The following PTPRD variants were observed in gnomAD, a reference collection of about 807,000 sequenced individuals.
PTPRD encodes the protein protein tyrosine phosphatase receptor type D.
PTPRD carries 34 observed loss-of-function variants against 214.5 expected under a neutral mutation model. That is an observed-to-expected ratio of 0.16 (90% CI 0.12 to 0.21). The LOEUF is 0.21. PTPRD is among the 10% of genes least tolerant of loss of function. The probability of loss-of-function intolerance (pLI) is 1.00; values close to 1 mark genes in which losing one functional copy is unlikely to be tolerated. For synonymous variants in PTPRD, 1,128 were observed against 845.7 expected, an observed-to-expected ratio of 1.33 and a Z score of -5.79; for missense variants, 2,545 against 2,398.7, an observed-to-expected ratio of 1.06 and a Z score of -1.27.
At chr9:9,544,114 T>G (rs2078211915) in intron 8 of PTPRD, among the ~76,000 whole-genome samples, 1 of 151,624 alleles carries the variant, frequency 6.6e-6, no homozygotes, top group Non-Finnish European at 1.5e-5. Flanking sequence ...TGAATTAAAC[T>G]TAAGGATAAA....
intron 10 of PTPRD, among the ~76,000 whole-genome samples, chr9:9,161,112 A>C (rs935954717): frequency 6.6e-6 from 1 of 152,142 alleles, no homozygotes; most frequent in South Asian, 2.1e-4. Flanking sequence ...GACAGGAGGA[A>C]TATATTAAGC....
chr9:8,738,252 T>C (rs924144216), intron 11 of PTPRD, among the ~76,000 whole-genome samples: 1 of 152,198 alleles, frequency 6.6e-6, no homozygotes, highest in Non-Finnish European at 1.5e-5. Context: ...TTTCAAGCGA[T>C]CACATAAAGT....
rs180925372 is a variant in PTPRD at position 9,223,359 on chromosome 9, T to G, written c.-202-39996A>C. On this transcript the variant is annotated intron_variant, in intron 9 of 45. Transcript: ENST00000381196. ...TATTGCTGTTATAAAAAATCTTTAT[T>G]ATAGGAAGCTCTTTTGTGCTGTAAG... Among the ~76,000 whole-genome samples the G allele has an allele frequency of 1.4e-3, 214 of 152,090 alleles. 3 individuals carry two copies. Among genetic ancestry groups the G allele is most frequent in the Admixed American group, 0.014 (209 of 15,234 alleles).
chr9:9,455,020 A>G (rs1014388143), intron 8 of PTPRD, among the ~76,000 whole-genome samples: 2 of 151,654 alleles, frequency 1.3e-5, no homozygotes, highest in African/African-American at 4.8e-5. Flanking sequence ...AAACAACCCA[A>G]GTATTGCGTT....
intron 2 of PTPRD, among the ~76,000 whole-genome samples, chr9:10,567,352 CTAT>C (rs1267896038): frequency 1.3e-5 from 2 of 151,680 alleles, no homozygotes; most frequent in African/African-American, 4.8e-5. Flanking sequence ...ATTTTTGAGA[CTAT>C]TATTAGGTAA....
At chr9:10,224,878 ATT>A (rs2099583722) in intron 3 of PTPRD, among the ~76,000 whole-genome samples, 1 of 152,008 alleles carries the variant, frequency 6.6e-6, no homozygotes. Context: ...TCTTAATAAC[ATT>A]TTCTTTTCTC....
intron 14 of PTPRD, among the ~76,000 whole-genome samples, chr9:8,558,363 C>T (rs1343829704): frequency 2.6e-5 from 4 of 152,314 alleles, no homozygotes; most frequent in African/African-American, 7.2e-5. Context: ...AGTGATTCAT[C>T]ACCAAGAAGC....
chr9:8,368,607 A>G (rs2080616738), intron 39 of PTPRD, among the ~76,000 whole-genome samples: 1 of 150,526 alleles, frequency 6.6e-6, no homozygotes, highest in Admixed American at 6.6e-5. Flanking sequence ...TCTTCCTAGC[A>G]CCTCAACTTC....
intron 42 of PTPRD, among the ~76,000 whole-genome samples, 181 bp downstream of exon 42, chr9:8,340,162 T>A (rs1013966494): frequency 6.6e-6 from 1 of 152,144 alleles, no homozygotes; most frequent in African/African-American, 2.4e-5. Context: ...AACACATAAA[T>A]TTAAACACTT....
At chr9:10,271,569 A>G (rs969069751) in intron 3 of PTPRD, among the ~76,000 whole-genome samples, 1 of 128,122 alleles carries the variant, frequency 7.8e-6, no homozygotes, top group Non-Finnish European at 1.6e-5. Context: ...TTGAGACGGA[A>G]TCTTGCTCTG....
At chr9:9,051,716 T>C (rs560721756) in intron 10 of PTPRD, among the ~76,000 whole-genome samples, 4 of 152,210 alleles carry the variant, frequency 2.6e-5, no homozygotes, top group Non-Finnish European at 5.9e-5. Context: ...CTGTAGACCA[T>C]GTTCACACAG....
rs967031888 is a variant in PTPRD at position 9,670,945 on chromosome 9, G to A, written c.-287+63588C>T. On this transcript the variant is annotated intron_variant, in intron 7 of 45. Transcript: ENST00000381196. Reference sequence around the variant, plus strand: ...GGAGATCCCCACAGAGTCTCTACTCGTAGTGGAGTAGTAAGAAGAGTAAGA... The same window carrying A: ...GGAGATCCCCACAGAGTCTCTACTCATAGTGGAGTAGTAAGAAGAGTAAGA... 7.2e-5 allele frequency among the ~76,000 whole-genome samples: 11 copies of A among 152,278 alleles called. No individual in the cohort carries two copies. In the South Asian group the frequency reaches 8.3e-4, roughly 11 times the overall value.
intron 12 of PTPRD, among the ~76,000 whole-genome samples, chr9:8,723,800 A>C (rs1214511858): frequency 6.6e-6 from 1 of 152,218 alleles, no homozygotes; most frequent in Non-Finnish European, 1.5e-5. Flanking sequence ...AAAAAAACTA[A>C]GAAAACATAC....
intron 3 of PTPRD, among the ~76,000 whole-genome samples, chr9:10,113,311 G>A (rs2098706307): frequency 6.6e-6 from 1 of 152,172 alleles, no homozygotes; most frequent in African/African-American, 2.4e-5. Context: ...GAAACTGAGA[G>A]ACAGGGAAGT....
intron 2 of PTPRD, among the ~76,000 whole-genome samples, chr9:10,383,604 A>G (rs1327929878): frequency 1.3e-5 from 2 of 151,820 alleles, no homozygotes; most frequent in African/African-American, 4.8e-5. Context: ...AAAATGGATG[A>G]CACCTTATCA....
At chr9:8,979,671 T>C (rs1311278059) in intron 11 of PTPRD, among the ~76,000 whole-genome samples, 1 of 152,044 alleles carries the variant, frequency 6.6e-6, no homozygotes, top group Non-Finnish European at 1.5e-5. Flanking sequence ...GAAATGCAAA[T>C]TAAAACCAGT....
chr9:9,304,950 A>T (rs1956656126), intron 9 of PTPRD, among the ~76,000 whole-genome samples: 1 of 147,238 alleles, frequency 6.8e-6, no homozygotes. Flanking sequence ...TTGGCTGCAC[A>T]GGATGGGAGT....
At chr9:8,454,506 T>C (rs1318930947) in intron 33 of PTPRD, 1 of 1,550,140 alleles carries the variant, frequency 6.5e-7, no homozygotes, top group East Asian at 2.3e-5. Flanking sequence ...CCCTCCCCTC[T>C]TCAACAACTC....
chr9:10,015,438 C>T (rs1021208116), intron 4 of PTPRD, among the ~76,000 whole-genome samples: 3 of 152,058 alleles, frequency 2.0e-5, no homozygotes, highest in African/African-American at 7.2e-5. Context: ...TTACTCATGC[C>T]TCGTTTGAAA....
Sources: gnomAD v4.1 joint callset for allele counts (sites outside exome capture counted in the v4.1 genomes callset) on GRCh38, gnomAD v4.1.1 for gene constraint, MANE v1.5 for transcripts, NCBI Gene and HGNC (gene_info 2026-07-23, HGNC 2026-07-21) for gene names.